Variants in ARHGEF10L observed in about 807,000 individuals in gnomAD.
ARHGEF10L encodes the protein Rho guanine nucleotide exchange factor 10 like.
In ARHGEF10L, 69 loss-of-function variants were observed where a neutral mutation model predicts 141.2. The observed-to-expected ratio is 0.49, with a 90% CI of 0.40 to 0.60. The LOEUF (loss-of-function observed/expected upper bound fraction) is 0.60. Among genes scored for constraint, ARHGEF10L ranks in the 20% least tolerant of loss-of-function variants. ARHGEF10L has a pLI of 0.00. For missense variants in ARHGEF10L, 1,482 were observed against 1,734.3 expected, an observed-to-expected ratio of 0.85 and a Z score of 2.58; for synonymous variants, 711 against 718.5, an observed-to-expected ratio of 0.99 and a Z score of 0.17.
chr1:17,625,461 G>A lies in ARHGEF10L; in HGVS notation c.1318-495G>A, dbSNP rs1231625901. Among the ~76,000 whole-genome samples, 1 of 152,202 alleles carries A rather than the reference G, an allele frequency of 6.6e-6. No individual in the cohort carries two copies. The highest frequency in any genetic ancestry group is 1.9e-4 in the East Asian group (1 of 5,198). On this transcript the variant is annotated intron_variant, in intron 13 of 28. Coordinates refer to ENST00000361221, the MANE Select transcript of ARHGEF10L (RefSeq NM_018125.4). This position sits in a 1 kb window ranked among gnomAD's most constrained non-coding sequence, Gnocchi z 4.5. ...AGCCATTGAAGGATTTTGAGCTAGG[G>A]TAGATGGAAGTGGAGGCAGGTGGAG...
chr1:17,669,164 C>A (rs540907003), intron 26 of ARHGEF10L, among the ~76,000 whole-genome samples: 57 of 152,320 alleles, frequency 3.7e-4, no homozygotes, highest in Admixed American at 3.5e-3. Context: ...TGAGAAAACC[C>A]CCTATGGGGT....
intron 6 of ARHGEF10L, among the ~76,000 whole-genome samples, chr1:17,604,060 C>T (rs1314458945): frequency 2.6e-5 from 4 of 152,070 alleles, no homozygotes; most frequent in Admixed American, 6.5e-5. Flanking sequence ...GCGAGTCTTG[C>T]TGGAACTCAC....
chr1:17,679,508 G>A (rs565128350), intron 26 of ARHGEF10L, among the ~76,000 whole-genome samples: 73 of 152,278 alleles, frequency 4.8e-4, no homozygotes, highest in African/African-American at 1.6e-3. Context: ...TGAGCAAACC[G>A]GGTAGGACTG....
intron 2 of ARHGEF10L, among the ~76,000 whole-genome samples, chr1:17,583,660 C>A (rs1038178182): frequency 6.6e-6 from 1 of 152,042 alleles, no homozygotes; most frequent in Non-Finnish European, 1.5e-5. Context: ...GACTCTAGAA[C>A]CTTAGTCACT....
At chr1:17,618,551 C>A in intron 9 of ARHGEF10L, 2 of 1,362,316 alleles carry the variant, frequency 1.5e-6, no homozygotes, top group Non-Finnish European at 1.9e-6. Flanking sequence ...GTCTCTACCC[C>A]CTCCCACCCT....
intron 18 of ARHGEF10L, among the ~76,000 whole-genome samples, chr1:17,635,875 G>A (rs1049990129): frequency 6.6e-6 from 1 of 152,194 alleles, no homozygotes; most frequent in African/African-American, 2.4e-5. Context: ...GAAAGGCACT[G>A]GGGTTTCACT....
At chr1:17,579,328 A>C (rs2078373141) in intron 1 of ARHGEF10L, among the ~76,000 whole-genome samples, 1 of 152,064 alleles carries the variant, frequency 6.6e-6, no homozygotes, top group South Asian at 2.1e-4. Flanking sequence ...CTCGGAGACT[A>C]ACTTTTCATT....
At chr1:17,645,978 C>T (rs144967175) in intron 21 of ARHGEF10L, among the ~76,000 whole-genome samples, 1 of 152,308 alleles carries the variant, frequency 6.6e-6, no homozygotes, top group Non-Finnish European at 1.5e-5. Context: ...GTAGGCCTTT[C>T]CTCCCTGGTG....
rs986308693 is a variant in ARHGEF10L, at chr1:17,603,816, G to T, written c.433+225G>T. On this transcript the variant is annotated intron_variant, in intron 6 of 28. Transcript: ENST00000361221. This position sits in a 1 kb window ranked among gnomAD's most constrained non-coding sequence, Gnocchi z 4.8. ...GGCATCATGGGCAGGGCCATGCTCCGGCTATGGGTCCCCGGGCAGGTAATC... is the reference window on the plus strand; with the variant it reads ...GGCATCATGGGCAGGGCCATGCTCCTGCTATGGGTCCCCGGGCAGGTAATC... Among the ~76,000 whole-genome samples, 1 of 152,222 alleles carries T rather than the reference G, an allele frequency of 6.6e-6. No homozygotes were observed. Among genetic ancestry groups the T allele is most frequent in the Non-Finnish European group, 1.5e-5 (1 of 68,038 alleles).
At chr1:17,594,988 G>T (rs1448802825) in intron 4 of ARHGEF10L, among the ~76,000 whole-genome samples, 1 of 152,118 alleles carries the variant, frequency 6.6e-6, no homozygotes, top group African/African-American at 2.4e-5. Flanking sequence ...AGCATTACCT[G>T]AGATGCTCTT....
intron 4 of ARHGEF10L, among the ~76,000 whole-genome samples, chr1:17,592,435 C>G (rs1378210756): frequency 6.6e-6 from 1 of 152,240 alleles, no homozygotes. Context: ...TGGCTAGTGT[C>G]TCTCATTGGG....
intron 21 of ARHGEF10L, among the ~76,000 whole-genome samples, chr1:17,647,967 G>T (rs114680413): frequency 0.013 from 2,002 of 152,218 alleles, 44 homozygotes; most frequent in African/African-American, 0.046. Context: ...CCCAGCTAGG[G>T]TGGGTGAACT....
chr1:17,588,936 G>A (rs2079296976), intron 4 of ARHGEF10L, among the ~76,000 whole-genome samples: 1 of 120,198 alleles, frequency 8.3e-6, no homozygotes. Context: ...GGTGGGGGGG[G>A]TGCAGCCCAT....
chr1:17,558,023 C>T lies in ARHGEF10L; in HGVS notation c.-44+18073C>T, dbSNP rs12045305. 0.039 allele frequency among the ~76,000 whole-genome samples: 6,006 copies of T among 152,184 alleles called. 227 individuals are homozygous for T. Among genetic ancestry groups the T allele is most frequent in the East Asian group, 0.23 (1,201 of 5,160 alleles). ...TCTTCCTCCCCACCATCCACCCACTCGCCCATTCATTCATCTCTCCATTCA... is the reference window on the plus strand; with the variant it reads ...TCTTCCTCCCCACCATCCACCCACTTGCCCATTCATTCATCTCTCCATTCA... On this transcript the variant is annotated intron_variant, in intron 1 of 28. Coordinates refer to ENST00000361221, the MANE Select transcript of ARHGEF10L (RefSeq NM_018125.4). The surrounding 1 kb of genome is among the most constrained non-coding windows in gnomAD (Gnocchi z 4.2).
rs1404977865 is a variant in ARHGEF10L at position 17,621,785 on chromosome 1, T to TTA, written c.943-78_943-77insAT. The TTA allele has an allele frequency of 8.5e-7, 1 of 1,181,572 alleles. No individual in the cohort carries two copies. The highest frequency in any genetic ancestry group is 1.7e-5 in the African/African-American group (1 of 59,038). 73.2% of individuals were successfully genotyped at this position (1,181,572 alleles called of 1,614,324 possible). A position where few individuals can be genotyped will look rare whatever the true frequency, so the allele number is the denominator to read the frequency against. On this transcript the variant is annotated intron_variant, in intron 10 of 28. Coordinates refer to ENST00000361221, the MANE Select transcript of ARHGEF10L (RefSeq NM_018125.4). The surrounding 1 kb of genome is among the most constrained non-coding windows in gnomAD (Gnocchi z 4.1). ...AGGGATGGGTTTCTCTGTCCTATAGTTGTCAGCTCCCCTTCCTGTCACTTG... is the reference window on the plus strand; with the variant it reads ...AGGGATGGGTTTCTCTGTCCTATAGTTATGTCAGCTCCCCTTCCTGTCACTTG...
At chr1:17,610,159 C>A (rs753064106) in intron 7 of ARHGEF10L, among the ~76,000 whole-genome samples, 1 of 152,232 alleles carries the variant, frequency 6.6e-6, no homozygotes, top group Non-Finnish European at 1.5e-5. Context: ...GGCATCAGAA[C>A]CACATGGGTA....
chr1:17,513,981 T>C, the ARHGEF10L span, among the ~76,000 whole-genome samples: 3 of 151,360 alleles, frequency 2.0e-5, no homozygotes, highest in Non-Finnish European at 4.4e-5. Context: ...TGCACCACCA[T>C]GCCCAGCTAA....
chr1:17,668,729 T>A (rs1374051269), intron 26 of ARHGEF10L, among the ~76,000 whole-genome samples: 1 of 152,202 alleles, frequency 6.6e-6, no homozygotes, highest in African/African-American at 2.4e-5. Flanking sequence ...AAGTTTCTGT[T>A]CGCTGCGCGG....
chr1:17,575,349 C>G (rs537522440), intron 1 of ARHGEF10L, among the ~76,000 whole-genome samples: 2 of 152,358 alleles, frequency 1.3e-5, no homozygotes, highest in East Asian at 3.9e-4. Context: ...AGCTTCACAA[C>G]TGGAAACCAC....
Sources: allele counts gnomAD v4.1 joint callset (sites outside exome capture counted in the v4.1 genomes callset), GRCh38; gene constraint gnomAD v4.1.1; non-coding constraint Gnocchi (gnomAD v3.1); transcripts MANE v1.5; gene names NCBI Gene and HGNC (gene_info 2026-07-23, HGNC 2026-07-21).